Variants in NAV2 observed in about 807,000 individuals in gnomAD.
The protein encoded by NAV2 is helicase, APC down-regulated 1.
A neutral mutation model predicts 223.2 loss-of-function variants in NAV2; 54 were observed. That is an observed-to-expected ratio of 0.24 (90% CI 0.19 to 0.30). NAV2 has a LOEUF of 0.30. Among genes scored for constraint, NAV2 ranks in the 10% least tolerant of loss-of-function variants. NAV2 has a pLI of 1.00. For missense variants in NAV2, 2,806 were observed against 3,147.5 expected, an observed-to-expected ratio of 0.89 and a Z score of 2.60; for synonymous variants, 1,279 against 1,239.3, an observed-to-expected ratio of 1.03 and a Z score of -0.67.
intron 1 of NAV2, among the ~76,000 whole-genome samples, chr11:19,535,647 G>T (rs779337534): frequency 6.6e-6 from 1 of 152,136 alleles, no homozygotes; most frequent in East Asian, 1.9e-4. Context: ...ATCTCTCAGC[G>T]GTTTCTTCCA....
chr11:19,823,912 A>T (rs1292228269), intron 1 of NAV2, among the ~76,000 whole-genome samples: 1 of 151,942 alleles, frequency 6.6e-6, no homozygotes, highest in African/African-American at 2.4e-5. Flanking sequence ...AACTTAAAGT[A>T]TTAAAAAAAA....
chr11:19,899,328 G>C (rs779943553), intron 6 of NAV2, among the ~76,000 whole-genome samples: 1 of 152,124 alleles, frequency 6.6e-6, no homozygotes, highest in Admixed American at 6.5e-5. Flanking sequence ...GTCACTTTAT[G>C]GTTGGCAAAC....
At chr11:19,407,838 C>T (rs767188872) in intron 1 of NAV2, among the ~76,000 whole-genome samples, 2 of 152,154 alleles carry the variant, frequency 1.3e-5, no homozygotes, top group Non-Finnish European at 2.9e-5. Context: ...CCGGCTGGGG[C>T]ATGATAATGC....
At chr11:19,883,098 T>C (rs889128794) in intron 5 of NAV2, among the ~76,000 whole-genome samples, 1 of 152,198 alleles carries the variant, frequency 6.6e-6, no homozygotes, top group Non-Finnish European at 1.5e-5. Context: ...CAAATGTTGA[T>C]GCAAACCCCC....
chr11:19,832,484 A>T lies in NAV2; in HGVS notation c.268A>T (p.Ile90Phe). 1 of 1,613,218 alleles carries T rather than the reference A, an allele frequency of 6.2e-7. No individual in the cohort carries two copies. The highest frequency in any genetic ancestry group is 8.5e-7 in the Non-Finnish European group (1 of 1,179,720). ...GSVENGFDTQ[I>F]YTDWANHYLA... The stretch of plus-strand genomic sequence containing the variant: ...AGTTGCCTGTTTGCTTTTTTTACAG[A>T]TCTACACAGACTGGGCCAATCATTA... The change falls in exon 2 of 38, where the codon ATC becomes TTC. Residue 90 changes from isoleucine (I) to phenylalanine (F), a missense_variant and splice_region_variant. Physicochemically the swap from Ile to Phe is conservative, Grantham distance 21 (BLOSUM62 0). Around this residue, in one of 4 missense-constraint regions of NAV2, gnomAD observed 1,167 missense variants for 1,180.5 expected, o/e 0.99. Coordinates refer to ENST00000349880, the MANE Select transcript of NAV2 (RefSeq NM_145117.5).
intron 22 of NAV2, 152 bp downstream of exon 22, chr11:20,068,550 T>G: frequency 3.1e-6 from 2 of 654,014 alleles, no homozygotes; most frequent in South Asian, 3.7e-5. Flanking sequence ...AATGTCAGTT[T>G]GGACACTTAC....
intron 1 of NAV2, among the ~76,000 whole-genome samples, chr11:19,764,534 G>A (rs2055046946): frequency 6.6e-6 from 1 of 152,134 alleles, no homozygotes; most frequent in African/African-American, 2.4e-5. Flanking sequence ...CCCCTGGTTT[G>A]TTTTCTTATC....
intron 1 of NAV2, among the ~76,000 whole-genome samples, chr11:19,687,780 CATGCGTGT>C (rs1222749054): frequency 1.1e-3 from 6 of 5,708 alleles, no homozygotes; most frequent in Non-Finnish European, 5.4e-3. Flanking sequence ...TGTGTGTATG[CATGCGTGT>C]GTGTGTGTGT....
upstream of NAV2, among the ~76,000 whole-genome samples, chr11:19,350,468 G>A (rs531826681): frequency 8.5e-5 from 13 of 152,344 alleles, no homozygotes; most frequent in African/African-American, 1.9e-4. Flanking sequence ...GGCTTTCCGC[G>A]CAGTGTTTGC....
chr11:19,520,630 C>G (rs560312104), intron 1 of NAV2, among the ~76,000 whole-genome samples: 35 of 146,258 alleles, frequency 2.4e-4, no homozygotes, highest in Non-Finnish European at 4.7e-4. Context: ...GGCCCCCTCC[C>G]CTATTTTACC....
At position 20,077,583 on chromosome 11, in the gene NAV2, T is replaced by C; in HGVS notation, c.5015T>C (p.Leu1672Pro). ...CTTGTGGCAGCCTTTGAACAGAGTC[T>C]TGGTAACATGACAATCAGGCTCCAG... is the stretch of plus-strand genomic sequence containing the variant. ...AHLVAAFEQSLGNMTIRLQSL... is the reference protein window; with the variant it reads ...AHLVAAFEQSPGNMTIRLQSL... The change falls in exon 23 of 38, where the codon CTT becomes CCT. Residue 1672 changes from leucine (L) to proline (P), a missense_variant. Leu to Pro is a moderately conservative substitution (Grantham distance 98). Transcript: ENST00000349880. 1 of 1,614,086 alleles carries C rather than the reference T, an allele frequency of 6.2e-7. No homozygotes were observed.
At chr11:19,601,745 T>C (rs2046356123) in intron 1 of NAV2, among the ~76,000 whole-genome samples, 1 of 152,092 alleles carries the variant, frequency 6.6e-6, no homozygotes, top group Admixed American at 6.5e-5. Flanking sequence ...GGGTCAGAGA[T>C]GAAGTGACAC....
chr11:19,633,602 G>T (rs1341138504), intron 1 of NAV2, among the ~76,000 whole-genome samples: 1 of 152,286 alleles, frequency 6.6e-6, no homozygotes, highest in Admixed American at 6.5e-5. Flanking sequence ...GCCTGACGGA[G>T]CTCGGGCCCA....
chr11:19,374,309 G>GTTTTTTTTTTTTTTTTTTTTTTTTTTTT (rs10533713), intron 1 of NAV2, among the ~76,000 whole-genome samples: 1 of 124,594 alleles, frequency 8.0e-6, no homozygotes, highest in Non-Finnish European at 1.6e-5. Context: ...TTCCGAAAAG[G>GTTTTTTTTTTTTTTTTTTTTTTTTTTTT]TTTTTTTTTT....
In NAV2 at chr11:20,061,772, C is replaced by G. The variant is rs113453541; in HGVS notation, c.4832-535C>G. Among the ~76,000 whole-genome samples, 670 of 152,234 alleles carry G rather than the reference C, an allele frequency of 4.4e-3. 6 individuals are homozygous for G. Among genetic ancestry groups the G allele is most frequent in the African/African-American group, 0.015 (635 of 41,526 alleles). On this transcript the variant is annotated intron_variant, in intron 19 of 37. Coordinates refer to ENST00000349880, the MANE Select transcript of NAV2 (RefSeq NM_145117.5). ...CTAAACAAATATTCTGCTATATGGT[C>G]ATCTAGAATGAACTTACTGTGGCCA...
chr11:19,549,852 T>C (rs2044631775), intron 1 of NAV2, among the ~76,000 whole-genome samples: 1 of 152,234 alleles, frequency 6.6e-6, no homozygotes, highest in South Asian at 2.1e-4. Context: ...AGAACGTTAG[T>C]CTGGTAAGAA....
intron 1 of NAV2, among the ~76,000 whole-genome samples, chr11:19,588,440 G>C (rs1336388254): frequency 6.6e-6 from 1 of 152,198 alleles, no homozygotes; most frequent in African/African-American, 2.4e-5. Context: ...CTTGACAGTG[G>C]CTTCCTGAAG....
chr11:19,391,717 A>G lies in NAV2; in HGVS notation c.75+40690A>G, dbSNP rs1849256240. On this transcript the variant is annotated intron_variant, in intron 1 of 37. Transcript: ENST00000360655. ...GCAGGAACTGGGGGGGATGGATTTC[A>G]TACTGTGTGTTGTAACAAACACTGG... Among the ~76,000 whole-genome samples the G allele has an allele frequency of 2.0e-5, 3 of 152,238 alleles. No homozygotes were observed. The South Asian group carries it at 6.2e-4, about 32-fold the overall frequency.
intron 1 of NAV2, among the ~76,000 whole-genome samples, chr11:19,794,360 T>C (rs1361120479): frequency 6.6e-6 from 1 of 152,188 alleles, no homozygotes; most frequent in Non-Finnish European, 1.5e-5. Flanking sequence ...TCTTTCTCAC[T>C]TCCTCTCTGA....
Sources: gnomAD v4.1 joint callset for allele counts (sites outside exome capture counted in the v4.1 genomes callset) on GRCh38, gnomAD v4.1.1 for gene constraint, gnomAD v4.1.1 regional missense constraint, MANE v1.5 for transcripts, NCBI Gene and HGNC (gene_info 2026-07-23, HGNC 2026-07-21) for gene names.